The following NRXN3 variants were observed in gnomAD, a reference collection of about 807,000 sequenced individuals.
NRXN3 encodes neurexin III.
In NRXN3, 32 loss-of-function variants were observed where a neutral mutation model predicts 137.6. That is an observed-to-expected ratio of 0.23 (90% CI 0.18 to 0.31). The LOEUF is 0.31. Among genes scored for constraint, NRXN3 ranks in the 10% least tolerant of loss-of-function variants. The pLI, the probability that NRXN3 is intolerant of heterozygous loss-of-function variation, is 1.00. For synonymous variants in NRXN3, 798 were observed against 784.5 expected (o/e 1.02, Z -0.29); for missense variants, 1,574 against 2,062.5 (o/e 0.76, Z 4.59).
At chr14:78,424,303 A>T (rs979143062) in intron 4 of NRXN3, among the ~76,000 whole-genome samples, 5 of 152,114 alleles carry the variant, frequency 3.3e-5, no homozygotes, top group African/African-American at 1.2e-4. Context: ...TCAGTTCTGA[A>T]TTTGCATCCA....
chr14:79,309,199 G>A (rs1225900615), intron 15 of NRXN3, among the ~76,000 whole-genome samples: 3 of 40,666 alleles, frequency 7.4e-5, no homozygotes, highest in African/African-American at 3.2e-4. Flanking sequence ...TTTTGTTCTT[G>A]CGATAGTTTA....
At chr14:79,853,514 T>C in intron 20 of NRXN3, 1 of 1,328,648 alleles carries the variant, frequency 7.5e-7, no homozygotes, top group Non-Finnish European at 1.0e-6. Flanking sequence ...TTTGTTTTTG[T>C]ATATTGCCCA....
At chr14:78,901,568 C>T (rs2099196628) in intron 10 of NRXN3, among the ~76,000 whole-genome samples, 1 of 152,014 alleles carries the variant, frequency 6.6e-6, no homozygotes. Flanking sequence ...TTGTCAACTG[C>T]AGTTCATTCT....
chr14:78,355,851 A>G (rs755260458), intron 4 of NRXN3, among the ~76,000 whole-genome samples: 3 of 152,204 alleles, frequency 2.0e-5, no homozygotes, highest in Non-Finnish European at 2.9e-5. Context: ...GCATTCAGAG[A>G]ATCATATAAC....
rs533414393 is a variant in NRXN3, at chr14:78,806,639, C to G, written c.2248+2816C>G. Reference sequence around the variant, plus strand: ...ACATATCTTCCAAATGTCAAGGAGACTAGGGTTTTCCAATGGCTTTATCTT... The same window carrying G: ...ACATATCTTCCAAATGTCAAGGAGAGTAGGGTTTTCCAATGGCTTTATCTT... On this transcript the variant is annotated intron_variant, in intron 9 of 20. Coordinates refer to ENST00000335750, the MANE Select transcript of NRXN3 (RefSeq NM_001330195.2). Among the ~76,000 whole-genome samples the G allele has an allele frequency of 1.5e-4, 23 of 152,230 alleles. No individual in the cohort carries two copies. In the South Asian group the frequency reaches 4.8e-3, roughly 32 times the overall value.
intron 8 of NRXN3, among the ~76,000 whole-genome samples, chr14:78,763,333 C>A (rs1324022471): frequency 6.6e-6 from 1 of 151,896 alleles, no homozygotes; most frequent in Non-Finnish European, 1.5e-5. Flanking sequence ...AATTGCATTG[C>A]CTTTCTGAGG....
chr14:78,494,397 G>A (rs1044461509), intron 4 of NRXN3, among the ~76,000 whole-genome samples: 3 of 148,942 alleles, frequency 2.0e-5, no homozygotes, highest in Non-Finnish European at 4.4e-5. Context: ...AGACCTCATG[G>A]CTTGAAAGAA....
chr14:78,699,131 T>C (rs879234936), intron 6 of NRXN3, among the ~76,000 whole-genome samples: 4 of 151,928 alleles, frequency 2.6e-5, no homozygotes, highest in African/African-American at 9.7e-5. Context: ...TCCAGCACAA[T>C]GTGATAGATA....
chr14:79,376,909 G>T (rs888602168), intron 15 of NRXN3, among the ~76,000 whole-genome samples: 1 of 152,136 alleles, frequency 6.6e-6, no homozygotes, highest in African/African-American at 2.4e-5. Context: ...TGCTTTTGTG[G>T]ATTAGAACTA....
At chr14:78,458,523 T>A (rs537481887) in intron 4 of NRXN3, among the ~76,000 whole-genome samples, 1 of 152,356 alleles carries the variant, frequency 6.6e-6, no homozygotes, top group Admixed American at 6.5e-5. Flanking sequence ...TTCTTCACGT[T>A]TCCTCCTGTG....
chr14:79,441,407 T>A (rs1162624421), intron 15 of NRXN3, among the ~76,000 whole-genome samples: 2 of 115,804 alleles, frequency 1.7e-5, no homozygotes, highest in East Asian at 5.8e-4. Context: ...TGAGACGGAG[T>A]CTCGCTCTGT....
chr14:79,643,618 A>G (rs1418086338), intron 16 of NRXN3, among the ~76,000 whole-genome samples: 1 of 135,062 alleles, frequency 7.4e-6, no homozygotes, highest in East Asian at 2.0e-4. Context: ...AGTAAAATTC[A>G]TTTCTCTCTA....
intron 19 of NRXN3, among the ~76,000 whole-genome samples, chr14:79,718,389 C>T (rs1348814446): frequency 6.6e-6 from 1 of 152,126 alleles, no homozygotes; most frequent in East Asian, 1.9e-4. Flanking sequence ...GCCTGTTTGG[C>T]TGTGGAAAGC....
chr14:78,730,406 A>G (rs767054113), intron 8 of NRXN3, among the ~76,000 whole-genome samples: 2 of 150,504 alleles, frequency 1.3e-5, no homozygotes, highest in Non-Finnish European at 3.0e-5. Flanking sequence ...CCTATTCTTC[A>G]TTATTTTTTT....
chr14:78,222,079 A>T (rs2063907625), intron 1 of NRXN3, among the ~76,000 whole-genome samples: 1 of 152,174 alleles, frequency 6.6e-6, no homozygotes. Flanking sequence ...GGAAGAAAGG[A>T]TACTGTCTAC....
chr14:78,248,128 G>C (rs888086576), intron 2 of NRXN3, among the ~76,000 whole-genome samples: 1 of 152,162 alleles, frequency 6.6e-6, no homozygotes, highest in African/African-American at 2.4e-5. Flanking sequence ...CTTCTCCTGT[G>C]GACTTGAGTG....
chr14:79,127,203 G>A (rs1369269448), intron 15 of NRXN3, among the ~76,000 whole-genome samples: 2 of 152,174 alleles, frequency 1.3e-5, no homozygotes, highest in African/African-American at 2.4e-5. Flanking sequence ...GTCAATTTTG[G>A]CTTTGGTTGC....
chr14:79,272,083 C>T (rs994596775), intron 15 of NRXN3, among the ~76,000 whole-genome samples: 1 of 152,138 alleles, frequency 6.6e-6, no homozygotes, highest in African/African-American at 2.4e-5. Flanking sequence ...CTTTCCCTGC[C>T]GTAGATCAGT....
chr14:78,971,255 G>A (rs987360356), intron 14 of NRXN3, among the ~76,000 whole-genome samples: 5 of 151,484 alleles, frequency 3.3e-5, no homozygotes, highest in African/African-American at 1.2e-4. Context: ...GAAGGCCTTT[G>A]AGCATTAGGT....
Sources: allele counts gnomAD v4.1 joint callset (sites outside exome capture counted in the v4.1 genomes callset), GRCh38; gene constraint gnomAD v4.1.1; transcripts MANE v1.5; gene names NCBI Gene and HGNC (gene_info 2026-07-23, HGNC 2026-07-21).